Variants in GPC6 observed in about 807,000 individuals in gnomAD.
GPC6 encodes glypican 6.
Under a neutral mutation model 55.2 loss-of-function variants are expected in GPC6, and 14 were observed. The observed-to-expected ratio is 0.25, with a 90% CI of 0.17 to 0.40. The LOEUF is 0.40. GPC6 is among the 10% of genes least tolerant of loss of function. The probability of loss-of-function intolerance (pLI) is 1.00; values close to 1 mark genes in which losing one functional copy is unlikely to be tolerated. For synonymous variants in GPC6, 278 were observed against 259.6 expected (o/e 1.07, Z -0.68); for missense variants, 641 against 708.5 (o/e 0.90, Z 1.08).
chr13:94,214,848 G>A (rs905990326), intron 4 of GPC6, among the ~76,000 whole-genome samples: 56 of 152,148 alleles, frequency 3.7e-4, no homozygotes, highest in African/African-American at 1.3e-3. Flanking sequence ...TTCTCCCAAG[G>A]AATTTATTGA....
intron 4 of GPC6, among the ~76,000 whole-genome samples, chr13:94,162,344 C>T (rs1009260684): frequency 2.5e-4 from 38 of 152,196 alleles, no homozygotes; most frequent in African/African-American, 8.9e-4. Context: ...TAGCTGCTTC[C>T]TCATTCATGT....
intron 3 of GPC6, among the ~76,000 whole-genome samples, chr13:93,984,903 T>C (rs983738154): frequency 1.3e-5 from 2 of 152,142 alleles, no homozygotes; most frequent in Non-Finnish European, 2.9e-5. Context: ...TTATATATAG[T>C]TTAAATAAGG....
intron 2 of GPC6, among the ~76,000 whole-genome samples, chr13:93,644,236 T>C (rs1880080056): frequency 6.6e-6 from 1 of 152,096 alleles, no homozygotes; most frequent in Non-Finnish European, 1.5e-5. Flanking sequence ...GAAATTATAC[T>C]TCTTCTAGAT....
chr13:93,447,849 G>T (rs368472494), intron 1 of GPC6, among the ~76,000 whole-genome samples: 107 of 152,112 alleles, frequency 7.0e-4, no homozygotes, highest in African/African-American at 2.4e-3. Context: ...ATTATCAAAG[G>T]GTTTTTCAGA....
At chr13:93,489,114 T>G (rs1462504856) in intron 1 of GPC6, among the ~76,000 whole-genome samples, 1 of 151,588 alleles carries the variant, frequency 6.6e-6, no homozygotes, top group Non-Finnish European at 1.5e-5. Flanking sequence ...GTCTAACATT[T>G]AAGTCTTTAA....
chr13:93,761,223 A>G (rs1884944599), intron 2 of GPC6, among the ~76,000 whole-genome samples: 1 of 152,232 alleles, frequency 6.6e-6, no homozygotes, highest in Non-Finnish European at 1.5e-5. Context: ...ACTGCATTAT[A>G]AACTCTGATT....
intron 1 of GPC6, chr13:93,394,876 A>C (rs983102330): frequency 3.2e-5 from 5 of 153,962 alleles, no homozygotes; most frequent in Non-Finnish European, 4.4e-5. Context: ...AAAAATCAAC[A>C]GCAAGGGCAC....
chr13:93,415,569 TA>T (rs1876666846), intron 1 of GPC6, among the ~76,000 whole-genome samples: 1 of 152,152 alleles, frequency 6.6e-6, no homozygotes, highest in Non-Finnish European at 1.5e-5. Flanking sequence ...GGTTAAATAG[TA>T]TGAATATTTT....
intron 2 of GPC6, among the ~76,000 whole-genome samples, chr13:93,691,493 CTTA>C (rs1882256124): frequency 1.4e-5 from 2 of 141,254 alleles, no homozygotes; most frequent in African/African-American, 2.6e-5. Flanking sequence ...TTTTTTTTCT[CTTA>C]TCACATTGAA....
At chr13:93,765,843 T>C (rs1425534805) in intron 2 of GPC6, among the ~76,000 whole-genome samples, 1 of 152,262 alleles carries the variant, frequency 6.6e-6, no homozygotes, top group African/African-American at 2.4e-5. Flanking sequence ...AACATGGAGC[T>C]GTTCTCAAGT....
intron 3 of GPC6, 134 bp downstream of exon 3, chr13:93,830,679 C>T (rs1413513227): frequency 2.7e-6 from 2 of 739,736 alleles, no homozygotes; most frequent in Non-Finnish European, 4.3e-6. Flanking sequence ...TGCTCTTAAT[C>T]AGTTAAATAT....
intron 4 of GPC6, among the ~76,000 whole-genome samples, chr13:94,237,684 G>A (rs953796411): frequency 7.9e-5 from 12 of 152,082 alleles, no homozygotes; most frequent in Admixed American, 7.9e-4. Flanking sequence ...AACGAAGGCT[G>A]GTGTAGTGAA....
chr13:93,483,744 C>T (rs1464804806), intron 1 of GPC6, among the ~76,000 whole-genome samples: 1 of 152,124 alleles, frequency 6.6e-6, no homozygotes, highest in South Asian at 2.1e-4. Context: ...GAATGCGGCT[C>T]ATGGTAGAAA....
At chr13:93,960,045 C>A (rs1039572068) in intron 3 of GPC6, among the ~76,000 whole-genome samples, 1 of 152,184 alleles carries the variant, frequency 6.6e-6, no homozygotes, top group African/African-American at 2.4e-5. Flanking sequence ...TCTCTGTAGA[C>A]TCCACATCTT....
chr13:93,229,083 C>A (rs148057178), intron 1 of GPC6, among the ~76,000 whole-genome samples: 398 of 152,302 alleles, frequency 2.6e-3, no homozygotes, highest in African/African-American at 9.4e-3. Flanking sequence ...GCCTACTTTT[C>A]TATCCTTGTT....
intron 2 of GPC6, among the ~76,000 whole-genome samples, chr13:93,764,812 A>T (rs1885062881): frequency 6.6e-6 from 1 of 152,014 alleles, no homozygotes. Context: ...TTATTTATTT[A>T]TTTTTTAGAC....
intron 4 of GPC6, among the ~76,000 whole-genome samples, chr13:94,046,332 T>A (rs1883732176): frequency 6.6e-6 from 1 of 152,200 alleles, no homozygotes; most frequent in African/African-American, 2.4e-5. Context: ...TTTGTAGAAT[T>A]GCTTTTGCAG....
intron 2 of GPC6, among the ~76,000 whole-genome samples, chr13:93,817,175 A>C (rs1213984489): frequency 1.3e-5 from 2 of 152,200 alleles, no homozygotes; most frequent in African/African-American, 4.8e-5. Context: ...GTTTCCCTAA[A>C]TGTAAGACGT....
At chr13:94,133,587 G>C (rs942876557) in intron 4 of GPC6, among the ~76,000 whole-genome samples, 1 of 152,082 alleles carries the variant, frequency 6.6e-6, no homozygotes, top group Non-Finnish European at 1.5e-5. Flanking sequence ...CAGCTTTCCA[G>C]GTATGATTTC....
Sources: allele counts gnomAD v4.1 joint callset (sites outside exome capture counted in the v4.1 genomes callset), GRCh38; gene constraint gnomAD v4.1.1; transcripts MANE v1.5; gene names NCBI Gene and HGNC (gene_info 2026-07-23, HGNC 2026-07-21).